PLEKHG1: variants seen among roughly 807,000 people sequenced by gnomAD.
PLEKHG1 encodes the protein pleckstrin homology and RhoGEF domain containing G1, also known as pleckstrin homology domain-containing family G member 1.
PLEKHG1 carries 44 observed loss-of-function variants against 100.8 expected under a neutral mutation model. The observed-to-expected ratio is 0.44, with a 90% CI of 0.34 to 0.56. The LOEUF (loss-of-function observed/expected upper bound fraction) is 0.56, where lower values mean the gene tolerates loss of function less well. Ranked by LOEUF, PLEKHG1 falls within the 20% of genes least tolerant of loss-of-function variation. The probability of loss-of-function intolerance (pLI) is 0.01; values close to 1 mark genes in which losing one functional copy is unlikely to be tolerated. For missense variants in PLEKHG1, 1,545 were observed against 1,720.9 expected, an observed-to-expected ratio of 0.90 and a Z score of 1.81; for synonymous variants, 640 against 662.5, an observed-to-expected ratio of 0.97 and a Z score of 0.52.
Position 150,776,417 on chromosome 6 carries a change from C to G in PLEKHG1, c.512+7679C>G, listed in dbSNP as rs1784964528. On this transcript the variant is annotated intron_variant, in intron 3 of 15. Coordinates refer to ENST00000358517, the Ensembl canonical transcript of PLEKHG1. ...TGCACATGTGCAGTTGCACATTACT[C>G]ACACTGATGCAATCCTGGTGCACAT... 1.3e-5 allele frequency among the ~76,000 whole-genome samples: 2 copies of G among 150,758 alleles called. 1 individual carries two copies. Among genetic ancestry groups the G allele is most frequent in the African/African-American group, 4.9e-5 (2 of 40,592 alleles).
chr6:150,765,561 A>G (rs1784419038), intron 2 of PLEKHG1, among the ~76,000 whole-genome samples: 1 of 151,988 alleles, frequency 6.6e-6, no homozygotes, highest in South Asian at 2.1e-4. Flanking sequence ...TAACTAACCT[A>G]TTTCCGGGCA....
At chr6:150,659,461 G>C (rs1164973053) in intron 3 of PLEKHG1, among the ~76,000 whole-genome samples, 1 of 152,182 alleles carries the variant, frequency 6.6e-6, no homozygotes, top group Non-Finnish European at 1.5e-5. Flanking sequence ...CCTCAGGCAA[G>C]TTATTTGCCA....
intron 7 of PLEKHG1, among the ~76,000 whole-genome samples, chr6:150,807,940 G>C (rs902363447): frequency 6.6e-6 from 1 of 152,152 alleles, no homozygotes; most frequent in Non-Finnish European, 1.5e-5. Context: ...CTGCACTCCA[G>C]CCTGGACAAC....
rs763988075 is a variant in PLEKHG1, at chr6:150,831,290, T to G, written c.2179T>G (p.Ser727Ala). 7.4e-6 allele frequency: 12 copies of G among 1,613,974 alleles called. No homozygotes were observed. Among genetic ancestry groups the G allele is most frequent in the Non-Finnish European group, 1.0e-5 (12 of 1,180,008 alleles). The change falls in exon 15 of 16, where the codon TCC becomes GCC. Residue 727 changes from serine (S) to alanine (A), a missense_variant. Physicochemically the swap from Ser to Ala is moderately conservative, Grantham distance 99 (BLOSUM62 1). Transcript: ENST00000358517. The surrounding 1 kb of genome is among the most constrained non-coding windows in gnomAD (Gnocchi z 4.1). ...TGGCACCCTCTCAGGTGGAGAGGCA[T>G]CCAGCCAAAGCACGCATGAACTCCA...
At chr6:150,813,999 T>C (rs1313337146) in intron 10 of PLEKHG1, among the ~76,000 whole-genome samples, 3 of 152,196 alleles carry the variant, frequency 2.0e-5, no homozygotes, top group Admixed American at 2.0e-4. Context: ...GTTCTCTGTA[T>C]ATTTTGACAA....
In PLEKHG1 at chr6:150,808,826, G is replaced by A. The variant is rs145242752; in HGVS notation, c.913-279G>A. On this transcript the variant is annotated intron_variant, in intron 7 of 15. Coordinates refer to ENST00000358517, the Ensembl canonical transcript of PLEKHG1. The stretch of plus-strand genomic sequence containing the variant: ...TGGCCCCTGGACCTGGCTTTGGAAC[G>A]ATGTAAGGGCTGCTGTGAGCCACAG... 1.2e-3 allele frequency among the ~76,000 whole-genome samples: 183 copies of A among 152,212 alleles called. 2 individuals are homozygous for A. Among genetic ancestry groups the A allele is most frequent in the African/African-American group, 4.0e-3 (165 of 41,534 alleles).
At chr6:150,768,422 T>C (rs1784547163) in intron 2 of PLEKHG1, among the ~76,000 whole-genome samples, 1 of 152,204 alleles carries the variant, frequency 6.6e-6, no homozygotes. Flanking sequence ...GTAGACAGAA[T>C]GTATACCACA....
Position 150,658,926 on chromosome 6 carries a change from T to C in PLEKHG1, c.-99+8140T>C, listed in dbSNP as rs576978286. ...TATTATTTCTTAATTCTTTTAGCCT[T>C]GTGCAGTTATCATTAATTGGATTTT... On this transcript the variant is annotated intron_variant, in intron 3 of 3. Coordinates refer to the PLEKHG1 transcript ENST00000367326. Among the ~76,000 whole-genome samples the C allele has an allele frequency of 9.4e-4, 143 of 152,368 alleles. 3 individuals are homozygous for C. The highest frequency in any genetic ancestry group is 3.3e-3 in the African/African-American group (137 of 41,592).
intron 3 of PLEKHG1, among the ~76,000 whole-genome samples, chr6:150,771,267 A>G (rs982097264): frequency 3.3e-5 from 5 of 151,848 alleles, no homozygotes; most frequent in African/African-American, 9.7e-5. Flanking sequence ...TACAAATAAA[A>G]TTAGCTGGGT....
At chr6:150,687,791 C>T (rs778082785) in intron 3 of PLEKHG1, among the ~76,000 whole-genome samples, 3 of 152,194 alleles carry the variant, frequency 2.0e-5, no homozygotes, top group Non-Finnish European at 4.4e-5. Flanking sequence ...GGAGTAAACA[C>T]GAGTGTTCTT....
intron 3 of PLEKHG1, among the ~76,000 whole-genome samples, chr6:150,702,838 C>T (rs1017593870): frequency 6.6e-6 from 1 of 152,152 alleles, no homozygotes; most frequent in Non-Finnish European, 1.5e-5. Context: ...TGCCTCAGGG[C>T]TGTTCTGAAC....
At chr6:150,665,912 C>G (rs1277566503) in intron 3 of PLEKHG1, among the ~76,000 whole-genome samples, 3 of 152,108 alleles carry the variant, frequency 2.0e-5, no homozygotes, top group Non-Finnish European at 2.9e-5. Context: ...CTAAAGGAAT[C>G]CATAATGTAT....
Position 150,831,841 on chromosome 6 carries a change from C to G in PLEKHG1, c.2730C>G (p.Ala910=). The G allele has an allele frequency of 1.2e-6, 2 of 1,612,442 alleles. No individual in the cohort carries two copies. The highest frequency in any genetic ancestry group is 1.7e-4 in the Middle Eastern group (1 of 6,058). The change falls in exon 15 of 16, where the codon GCC becomes GCG. Residue 910 remains alanine (A), a synonymous_variant. Transcript: ENST00000358517. This position sits in a 1 kb window ranked among gnomAD's most constrained non-coding sequence, Gnocchi z 4.1. The stretch of plus-strand genomic sequence containing the variant: ...CCGTGAAGAGCAGGGCTGGCAGAGC[C>G]AGCCGCGCCAACTGCCCCTTTGAGG...
intron 3 of PLEKHG1, among the ~76,000 whole-genome samples, chr6:150,691,653 C>A (rs1780353374): frequency 6.6e-6 from 1 of 152,280 alleles, no homozygotes; most frequent in Non-Finnish European, 1.5e-5. Flanking sequence ...TTTTTCTAAA[C>A]CACCATTTCC....
exon 16 of PLEKHG1, chr6:150,843,286 T>G (rs542801728): frequency 6.6e-6 from 1 of 152,276 alleles, no homozygotes; most frequent in East Asian, 1.9e-4. Flanking sequence ...TGGCTTTAGG[T>G]TTTAGGACAA....
intron 10 of PLEKHG1, 92 bp from the exon 12 acceptor site, chr6:150,818,091 A>G (rs368449827): frequency 1.5e-5 from 14 of 960,510 alleles, no homozygotes; most frequent in African/African-American, 3.3e-5. Flanking sequence ...TTAAAAATCT[A>G]TTTATTCAGG....
rs139898576 is a variant in PLEKHG1 at position 150,635,966 on chromosome 6, G to T, written c.-203-2114G>T. ...CAGGACTATGGGCTTTTTGTATTTT[G>T]AATTTAAAATAAATATTGTATCTTT... On this transcript the variant is annotated intron_variant, in intron 1 of 3. Coordinates refer to the PLEKHG1 transcript ENST00000367326. Among the ~76,000 whole-genome samples the T allele has an allele frequency of 5.1e-4, 77 of 152,198 alleles. No individual in the cohort carries two copies. The South Asian group carries it at 7.9e-3, about 16-fold the overall frequency.
chr6:150,786,597 T>A, intron 4 of PLEKHG1, 138 bp downstream of exon 5: 1 of 619,608 alleles, frequency 1.6e-6, no homozygotes, highest in Non-Finnish European at 2.9e-6. Flanking sequence ...TTTGTTTGAG[T>A]AGCAAAAATG....
Position 150,698,499 on chromosome 6 carries a change from T to TACGC in PLEKHG1, c.-98-35083_-98-35082insGCAC, listed in dbSNP as rs1554261117. Among the ~76,000 whole-genome samples the TACGC allele has an allele frequency of 6.6e-5, 10 of 151,906 alleles. No homozygotes were observed. The South Asian group carries it at 2.1e-3, about 32-fold the overall frequency. On this transcript the variant is annotated intron_variant, in intron 3 of 3. Transcript: ENST00000367326. ...TTGCGTGTGTATACAATACTATATA[T>TACGC]ACACACACACGTACATGAAAAAGTA...
Sources: allele counts gnomAD v4.1 joint callset (sites outside exome capture counted in the v4.1 genomes callset), GRCh38; gene constraint gnomAD v4.1.1; non-coding constraint Gnocchi (gnomAD v3.1); transcripts MANE v1.5; gene names NCBI Gene and HGNC (gene_info 2026-07-23, HGNC 2026-07-21).